The following MYRIP variants were observed in gnomAD, a reference collection of about 807,000 sequenced individuals.
MYRIP encodes the protein myosin VIIA and Rab interacting protein.
MYRIP carries 49 observed loss-of-function variants against 98.0 expected under a neutral mutation model. The ratio of observed to expected loss-of-function variants is 0.50; its 90% confidence interval spans 0.40 to 0.63. The LOEUF (loss-of-function observed/expected upper bound fraction) is 0.63. Among genes scored for constraint, MYRIP ranks in the 30% least tolerant of loss-of-function variants. MYRIP has a pLI of 0.00. For synonymous variants in MYRIP, 404 were observed against 409.5 expected (o/e 0.99, Z 0.16); for missense variants, 1,004 against 1,058.2 (o/e 0.95, Z 0.71).
At chr3:40,257,989 T>C (rs1953653401) in intron 16 of MYRIP, 145 bp from the exon 17 acceptor site, 1 of 814,628 alleles carries the variant, frequency 1.2e-6, no homozygotes, top group African/African-American at 1.7e-5. Context: ...AAAAATGACA[T>C]CAGTTTCTAA....
chr3:40,010,908 C>T lies in MYRIP; in HGVS notation c.111-33142C>T, dbSNP rs538034824. On this transcript the variant is annotated intron_variant, in intron 2 of 16. Transcript: ENST00000302541. ...TCATTCTTGCTGTACTTGACCTTGA[C>T]CCTGCTCTTCTGTCTCAGAGTTAGT... Among the ~76,000 whole-genome samples the T allele has an allele frequency of 2.0e-5, 3 of 152,262 alleles. No homozygotes were observed. In the East Asian group the frequency reaches 5.8e-4, roughly 29 times the overall value.
intron 3 of MYRIP, among the ~76,000 whole-genome samples, chr3:40,084,180 A>AGGAAAACT (rs1426443124): frequency 1.4e-5 from 2 of 144,614 alleles, no homozygotes; most frequent in South Asian, 2.2e-4. Flanking sequence ...TCTCAGAAGA[A>AGGAAAACT]GGAAAACTAA....
In MYRIP at chr3:40,086,622, C is replaced by G. The variant is rs1476360952; in HGVS notation, c.332+42351C>G. Among the ~76,000 whole-genome samples the G allele has an allele frequency of 2.6e-5, 4 of 152,290 alleles. No individual in the cohort carries two copies. The East Asian group carries it at 7.7e-4, about 29-fold the overall frequency. On this transcript the variant is annotated intron_variant, in intron 3 of 16. Coordinates refer to ENST00000302541, the MANE Select transcript of MYRIP (RefSeq NM_015460.4). Reference sequence around the variant, plus strand: ...CTCACACTCAGGACCTCTGGTGTTGCAGAAAGAATACCAACCCTATCAGCA... The same window carrying G: ...CTCACACTCAGGACCTCTGGTGTTGGAGAAAGAATACCAACCCTATCAGCA...
rs115881142 is a variant in MYRIP, at chr3:39,884,229, T to A, written c.-30-16558T>A. 4.2e-3 allele frequency among the ~76,000 whole-genome samples: 633 copies of A among 152,120 alleles called. 3 individuals carry two copies. Among genetic ancestry groups the A allele is most frequent in the Non-Finnish European group, 6.5e-3 (441 of 67,968 alleles). ...AATTTCAGAACAAGCAAAACCACCC[T>A]TAAGAAATGAGAGGGAGAGATCACA... On this transcript the variant is annotated intron_variant, in intron 1 of 16. Coordinates refer to ENST00000302541, the MANE Select transcript of MYRIP (RefSeq NM_015460.4).
intron 2 of MYRIP, among the ~76,000 whole-genome samples, chr3:40,015,243 G>T (rs1233874589): frequency 6.6e-6 from 1 of 152,196 alleles, no homozygotes; most frequent in Non-Finnish European, 1.5e-5. Flanking sequence ...AAGTAATTAG[G>T]TTGGGTCTAA....
At chr3:40,025,033 A>G (rs1454709043) in intron 2 of MYRIP, among the ~76,000 whole-genome samples, 1 of 152,176 alleles carries the variant, frequency 6.6e-6, no homozygotes, top group East Asian at 1.9e-4. Flanking sequence ...AAAGAAACCA[A>G]GGTTTAGAAG....
intron 10 of MYRIP, among the ~76,000 whole-genome samples, chr3:40,199,167 T>C (rs955617434): frequency 3.3e-5 from 5 of 152,164 alleles, no homozygotes; most frequent in African/African-American, 1.2e-4. Flanking sequence ...CTTTCGGAGC[T>C]GAAATCCAAG....
chr3:40,042,307 AAAGAG>A (rs1365177641), intron 2 of MYRIP, among the ~76,000 whole-genome samples: 1 of 149,944 alleles, frequency 6.7e-6, no homozygotes, highest in Admixed American at 6.6e-5. Flanking sequence ...AAAAAAAAAA[AAAGAG>A]AGCCAACCTT....
At chr3:40,104,161 GC>G (rs1949007635) in intron 3 of MYRIP, among the ~76,000 whole-genome samples, 1 of 152,126 alleles carries the variant, frequency 6.6e-6, no homozygotes, top group Admixed American at 6.5e-5. Context: ...TGCCTGTTGG[GC>G]TATATAGTGG....
intron 9 of MYRIP, among the ~76,000 whole-genome samples, chr3:40,185,637 T>C (rs779253308): frequency 2.5e-4 from 38 of 152,070 alleles, no homozygotes; most frequent in Non-Finnish European, 5.0e-4. Context: ...GAGGGAAAAT[T>C]TGGTCAACTT....
At chr3:39,823,276 A>G (rs1049540474) in intron 1 of MYRIP, among the ~76,000 whole-genome samples, 2 of 152,024 alleles carry the variant, frequency 1.3e-5, no homozygotes, top group African/African-American at 4.8e-5. Context: ...GGCCTCCCAA[A>G]GTGCTGGGAT....
In MYRIP at chr3:40,250,210, T is replaced by C. The variant is rs747873186; in HGVS notation, c.2263-12T>C. On this transcript the variant is annotated splice_polypyrimidine_tract_variant and intron_variant, in intron 13 of 16. Transcript: ENST00000302541. ...TTTCTCCCTGCCAATCTTGTCTTTC[T>C]GTTGCTTTAAGATTTCAGATATTGA... is the stretch of plus-strand genomic sequence containing the variant. 6.3e-7 allele frequency: 1 copy of C among 1,589,444 alleles called. No homozygotes were observed. The highest frequency in any genetic ancestry group is 2.2e-5 in the East Asian group (1 of 44,754).
At chr3:39,975,081 AT>A (rs1444943273) in intron 2 of MYRIP, among the ~76,000 whole-genome samples, 1 of 152,202 alleles carries the variant, frequency 6.6e-6, no homozygotes, top group African/African-American at 2.4e-5. Flanking sequence ...AGGGTATTCA[AT>A]TAGGAAAAAG....
At chr3:39,810,631 T>A (rs566077115) in intron 1 of MYRIP, 1 of 152,402 alleles carries the variant, frequency 6.6e-6, no homozygotes, top group Non-Finnish European at 1.5e-5. Flanking sequence ...AGCGGAAAGA[T>A]TCAGTGGTGG....
At chr3:39,954,220 G>A (rs1051345640) in intron 2 of MYRIP, among the ~76,000 whole-genome samples, 2 of 152,128 alleles carry the variant, frequency 1.3e-5, no homozygotes, top group Non-Finnish European at 2.9e-5. Flanking sequence ...CCTCAAGTGG[G>A]TCCCTGACAC....
intron 4 of MYRIP, among the ~76,000 whole-genome samples, chr3:40,156,605 T>C (rs956641447): frequency 1.3e-5 from 2 of 151,888 alleles, no homozygotes; most frequent in South Asian, 2.1e-4. Context: ...TTTCACGATA[T>C]TGATTCTTCC....
At chr3:40,032,930 A>C (rs2125820299) in intron 2 of MYRIP, among the ~76,000 whole-genome samples, 1 of 152,268 alleles carries the variant, frequency 6.6e-6, no homozygotes, top group East Asian at 1.9e-4. Flanking sequence ...CAAATCAATA[A>C]ATGTAATCCA....
At chr3:39,856,654 G>A (rs1942303825) in intron 1 of MYRIP, among the ~76,000 whole-genome samples, 1 of 152,220 alleles carries the variant, frequency 6.6e-6, no homozygotes, top group Admixed American at 6.5e-5. Context: ...GCCAGCTTCA[G>A]ATCATGGGCA....
chr3:39,955,398 C>A (rs1195081955), intron 2 of MYRIP, among the ~76,000 whole-genome samples: 1 of 152,126 alleles, frequency 6.6e-6, no homozygotes, highest in East Asian at 1.9e-4. Flanking sequence ...AAAGAATTTT[C>A]AACCCAGAAT....
Sources: allele counts gnomAD v4.1 joint callset (sites outside exome capture counted in the v4.1 genomes callset), GRCh38; gene constraint gnomAD v4.1.1; transcripts MANE v1.5; gene names NCBI Gene and HGNC (gene_info 2026-07-23, HGNC 2026-07-21).